Variants in KHDRBS2 observed in about 807,000 individuals in gnomAD.
The protein encoded by KHDRBS2 is KH domain-containing, RNA-binding, signal transduction-associated protein 2.
KHDRBS2 carries 26 observed loss-of-function variants against 44.3 expected under a neutral mutation model. That is an observed-to-expected ratio of 0.59 (90% CI 0.43 to 0.81). The LOEUF (loss-of-function observed/expected upper bound fraction) is 0.81. Ranked by LOEUF, KHDRBS2 falls within the 40% of genes least tolerant of loss-of-function variation. The probability of loss-of-function intolerance (pLI) is 0.00; values close to 1 mark genes in which losing one functional copy is unlikely to be tolerated. For synonymous variants in KHDRBS2, 194 were observed against 151.1 expected (o/e 1.28, Z -2.08); for missense variants, 476 against 433.1 (o/e 1.10, Z -0.88).
At position 61,680,929 on chromosome 6, in the gene KHDRBS2, G is replaced by T; in HGVS notation, c.*34C>A. The T allele has an allele frequency of 7.4e-7, 1 of 1,350,740 alleles. No homozygotes were observed. 83.7% of individuals were successfully genotyped at this position (1,350,740 alleles called of 1,614,324 possible). ...ATGTGGAGACCACAGGCTATGAATT[G>T]TCTTTGAGGTGAGGTCACAGGTGGG... On this transcript the variant is annotated 3_prime_UTR_variant, in exon 9 of 9. Coordinates refer to ENST00000281156, the MANE Select transcript of KHDRBS2 (RefSeq NM_152688.4).
At chr6:61,555,345 T>G in the KHDRBS2 span, among the ~76,000 whole-genome samples, 4 of 152,228 alleles carry the variant, frequency 2.6e-5, no homozygotes, top group African/African-American at 9.6e-5. Flanking sequence ...AGTAAGTTTT[T>G]CATCTTTGTC....
chr6:62,133,219 C>A (rs1810743590), intron 2 of KHDRBS2, among the ~76,000 whole-genome samples: 1 of 152,124 alleles, frequency 6.6e-6, no homozygotes. Context: ...CAAATCTCAT[C>A]TTGAATTGTA....
At chr6:62,049,459 G>T (rs558546200) in intron 2 of KHDRBS2, among the ~76,000 whole-genome samples, 1 of 149,824 alleles carries the variant, frequency 6.7e-6, no homozygotes, top group East Asian at 2.0e-4. Context: ...ACCTAGGCTA[G>T]GAAGAGATTA....
chr6:61,729,142 C>A (rs1376825766), intron 7 of KHDRBS2, among the ~76,000 whole-genome samples: 1 of 152,114 alleles, frequency 6.6e-6, no homozygotes, highest in Non-Finnish European at 1.5e-5. Context: ...GAATACTAGG[C>A]AGCCATAAAA....
chr6:62,041,855 A>C (rs1786607868), intron 3 of KHDRBS2, among the ~76,000 whole-genome samples: 1 of 152,112 alleles, frequency 6.6e-6, no homozygotes, highest in African/African-American at 2.4e-5. Flanking sequence ...AAGCTTATGA[A>C]GAACTTGAGC....
chr6:62,136,993 C>CTTTTTTTTTTTTTTTTTTTTTTT (rs141092447), intron 2 of KHDRBS2, among the ~76,000 whole-genome samples: 1 of 78,320 alleles, frequency 1.3e-5, no homozygotes, highest in South Asian at 4.8e-4. Flanking sequence ...TCTTTCTTTT[C>CTTTTTTTTTTTTTTTTTTTTTTT]TTTTTTTTTT....
At chr6:61,553,479 A>T in the KHDRBS2 span, among the ~76,000 whole-genome samples, 1 of 152,036 alleles carries the variant, frequency 6.6e-6, no homozygotes, top group Non-Finnish European at 1.5e-5. Flanking sequence ...CATCATTTGC[A>T]TGAGTTTTAT....
At chr6:61,893,577 T>G (rs1052941567) in intron 6 of KHDRBS2, among the ~76,000 whole-genome samples, 13 of 152,074 alleles carry the variant, frequency 8.5e-5, no homozygotes, top group African/African-American at 2.9e-4. Context: ...CCATAAAAAA[T>G]GATGAGTTCA....
intron 2 of KHDRBS2, among the ~76,000 whole-genome samples, chr6:62,156,940 C>A (rs1421204878): frequency 6.6e-6 from 1 of 150,848 alleles, no homozygotes; most frequent in Non-Finnish European, 1.5e-5. Flanking sequence ...CCGCCTCGGC[C>A]TCCCAAAGTG....
chr6:62,061,001 C>T (rs1016909076), intron 2 of KHDRBS2, among the ~76,000 whole-genome samples: 11 of 151,774 alleles, frequency 7.2e-5, no homozygotes, highest in African/African-American at 1.7e-4. Flanking sequence ...GCAACCCTTG[C>T]CTTTTTTTGT....
intron 6 of KHDRBS2, among the ~76,000 whole-genome samples, chr6:61,859,496 A>G (rs1796613897): frequency 6.6e-6 from 1 of 151,846 alleles, no homozygotes; most frequent in African/African-American, 2.4e-5. Context: ...GCCCATTTAT[A>G]TGGGGTTTGG....
rs555728610 is a variant in KHDRBS2 at position 61,682,032 on chromosome 6, C to T, written c.953-972G>A. Among the ~76,000 whole-genome samples, 45 of 151,798 alleles carry T rather than the reference C, an allele frequency of 3.0e-4. No homozygotes were observed. The South Asian group carries it at 4.2e-3, about 14-fold the overall frequency. On this transcript the variant is annotated intron_variant, in intron 8 of 8. Transcript: ENST00000281156. ...ACAAAGGAAAGAAGGTTACTAGAGA[C>T]GCATAGATATTGATAATTGATATAT...
intron 6 of KHDRBS2, among the ~76,000 whole-genome samples, chr6:61,869,159 T>C (rs1194051927): frequency 1.3e-5 from 2 of 152,160 alleles, no homozygotes; most frequent in Non-Finnish European, 2.9e-5. Context: ...ATGGGTCAAG[T>C]TGTTTTCCTG....
chr6:62,096,266 G>A (rs544672175), intron 2 of KHDRBS2, among the ~76,000 whole-genome samples: 1 of 151,788 alleles, frequency 6.6e-6, no homozygotes, highest in African/African-American at 2.4e-5. Context: ...TCAGTTTTTT[G>A]TTGTTGTTGT....
At chr6:62,008,979 T>C (rs1415649664) in intron 3 of KHDRBS2, among the ~76,000 whole-genome samples, 1 of 151,962 alleles carries the variant, frequency 6.6e-6, no homozygotes, top group Non-Finnish European at 1.5e-5. Context: ...TAGAGTGGGG[T>C]ACAGCTGAAA....
chr6:62,006,133 T>C (rs919549128), intron 3 of KHDRBS2, among the ~76,000 whole-genome samples: 1 of 151,970 alleles, frequency 6.6e-6, no homozygotes, highest in African/African-American at 2.4e-5. Flanking sequence ...GATAAATTTG[T>C]AATATTTCAC....
intron 1 of KHDRBS2, among the ~76,000 whole-genome samples, chr6:62,209,001 T>C (rs754390547): frequency 5.9e-5 from 9 of 152,078 alleles, no homozygotes; most frequent in Non-Finnish European, 1.3e-4. Flanking sequence ...AATAAATAAA[T>C]GGGACTACAT....
At chr6:61,715,125 A>T (rs1374917557) in intron 7 of KHDRBS2, among the ~76,000 whole-genome samples, 2 of 151,944 alleles carry the variant, frequency 1.3e-5, no homozygotes, top group African/African-American at 4.8e-5. Context: ...GTGCAAGTGC[A>T]AAATAACAAG....
intron 6 of KHDRBS2, among the ~76,000 whole-genome samples, chr6:61,790,605 C>G (rs1433156081): frequency 1.3e-5 from 2 of 151,432 alleles, no homozygotes; most frequent in African/African-American, 4.8e-5. Context: ...AAAACTAAAT[C>G]ACCTTGTGTT....
Sources: gnomAD v4.1 joint callset for allele counts (sites outside exome capture counted in the v4.1 genomes callset) on GRCh38, gnomAD v4.1.1 for gene constraint, MANE v1.5 for transcripts, NCBI Gene and HGNC (gene_info 2026-07-23, HGNC 2026-07-21) for gene names.